Variants in CDIN1 observed in about 807,000 individuals in gnomAD.
The protein encoded by CDIN1 is CDAN1-interacting nuclease 1.
CDIN1 carries 33 observed loss-of-function variants against 45.3 expected under a neutral mutation model. That is an observed-to-expected ratio of 0.73 (90% confidence interval 0.55 to 0.97). CDIN1 has a LOEUF of 0.97. Ranked by LOEUF, CDIN1 falls within the 50% of genes least tolerant of loss-of-function variation. CDIN1 has a pLI of 0.00. For missense variants in CDIN1, 303 were observed against 339.4 expected (o/e 0.89, Z 0.84); for synonymous variants, 118 against 124.4 (o/e 0.95, Z 0.34).
chr15:36,685,930 G>T (rs2042025744), intron 5 of CDIN1, among the ~76,000 whole-genome samples: 1 of 151,898 alleles, frequency 6.6e-6, no homozygotes, highest in Admixed American at 6.6e-5. Flanking sequence ...GAGATGATGT[G>T]GAGAAATAGG....
At chr15:36,581,021 A>C (rs1441230717) in intron 1 of CDIN1, among the ~76,000 whole-genome samples, 1 of 152,226 alleles carries the variant, frequency 6.6e-6, no homozygotes, top group Non-Finnish European at 1.5e-5. Flanking sequence ...TAGTCTGTAA[A>C]ATGAAGGAGT....
intron 5 of CDIN1, among the ~76,000 whole-genome samples, chr15:36,667,378 T>C (rs2041286952): frequency 6.6e-6 from 1 of 152,216 alleles, no homozygotes; most frequent in South Asian, 2.1e-4. Flanking sequence ...AATCATGAGC[T>C]TTTAAATTGT....
chr15:36,592,456 T>G (rs779880653), intron 1 of CDIN1, among the ~76,000 whole-genome samples: 6 of 152,216 alleles, frequency 3.9e-5, no homozygotes, highest in Non-Finnish European at 8.8e-5. Flanking sequence ...TCTGAGACTT[T>G]TGTACCTTAT....
chr15:36,691,987 C>T (rs1345729906), intron 6 of CDIN1, 139 bp from the exon 7 acceptor site: 36 of 851,942 alleles, frequency 4.2e-5, no homozygotes, highest in East Asian at 2.8e-4. Flanking sequence ...TGATTAAATC[C>T]GAACCGCCTT....
intron 5 of CDIN1, among the ~76,000 whole-genome samples, chr15:36,663,016 A>G (rs2041083504): frequency 6.6e-6 from 1 of 152,106 alleles, no homozygotes; most frequent in Non-Finnish European, 1.5e-5. Context: ...GGGATGCCCA[A>G]CTTATGATCC....
chr15:36,797,395 A>G (rs1194395984), intron 10 of CDIN1, among the ~76,000 whole-genome samples: 1 of 152,202 alleles, frequency 6.6e-6, no homozygotes, highest in Non-Finnish European at 1.5e-5. Flanking sequence ...TTGTATTTAA[A>G]GGAAGCAAGA....
chr15:36,617,469 A>T, intron 1 of CDIN1: 1 of 956,004 alleles, frequency 1.0e-6, no homozygotes, highest in Non-Finnish European at 1.7e-6. Context: ...AGAAACAATT[A>T]GAATTCTGGT....
chr15:36,655,393 C>G (rs2040743943), intron 4 of CDIN1, among the ~76,000 whole-genome samples: 1 of 145,316 alleles, frequency 6.9e-6, no homozygotes, highest in South Asian at 2.2e-4. Context: ...GTGGCGTGAT[C>G]TTAGCTCATT....
chr15:36,779,882 G>A (rs1321494666), intron 10 of CDIN1, among the ~76,000 whole-genome samples: 1 of 152,164 alleles, frequency 6.6e-6, no homozygotes, highest in Non-Finnish European at 1.5e-5. Flanking sequence ...TTCTGAAGAT[G>A]GTCCTATGAA....
chr15:36,676,804 G>A (rs2041665939), intron 5 of CDIN1, among the ~76,000 whole-genome samples: 1 of 152,130 alleles, frequency 6.6e-6, no homozygotes, highest in African/African-American at 2.4e-5. Context: ...TCTGCATGGA[G>A]CACTAGCTTG....
intron 10 of CDIN1, among the ~76,000 whole-genome samples, chr15:36,768,917 G>T (rs1295728345): frequency 1.3e-5 from 2 of 152,134 alleles, no homozygotes; most frequent in Non-Finnish European, 2.9e-5. Flanking sequence ...TAAAGACCCA[G>T]TTGTCATTTG....
intron 5 of CDIN1, among the ~76,000 whole-genome samples, chr15:36,667,818 A>G (rs144872043): frequency 3.0e-4 from 45 of 152,228 alleles, no homozygotes; most frequent in African/African-American, 1.1e-3. Context: ...TATGAATAGT[A>G]TTTTTTCATT....
intron 10 of CDIN1, among the ~76,000 whole-genome samples, chr15:36,738,112 AT>A (rs2044098278): frequency 6.6e-6 from 1 of 151,878 alleles, no homozygotes; most frequent in South Asian, 2.1e-4. Context: ...AGAGCTCAAC[AT>A]TTCATCCTCT....
At chr15:36,751,238 T>TATATATATATATATATA (rs2053461444) in intron 10 of CDIN1, among the ~76,000 whole-genome samples, 1 of 134,048 alleles carries the variant, frequency 7.5e-6, no homozygotes, top group Non-Finnish European at 1.6e-5. Flanking sequence ...TTTATATATA[T>TATATATATATATATATA]ATATATATAT....
chr15:36,706,289 T>G (rs1331880547), intron 8 of CDIN1: 5 of 152,006 alleles, frequency 3.3e-5, no homozygotes, highest in Admixed American at 3.3e-4. Context: ...TCTACTAAAA[T>G]GTTAAGGAGT....
At chr15:36,623,597 C>T (rs187756539) in intron 1 of CDIN1, among the ~76,000 whole-genome samples, 301 of 152,242 alleles carry the variant, frequency 2.0e-3, no homozygotes, top group African/African-American at 7.1e-3. Flanking sequence ...CAGCTCAGTA[C>T]CCTGAACAGG....
intron 2 of CDIN1, among the ~76,000 whole-genome samples, chr15:36,644,996 A>C (rs375087588): frequency 2.0e-5 from 3 of 152,288 alleles, no homozygotes; most frequent in African/African-American, 7.2e-5. Flanking sequence ...TATATACCGT[A>C]CCTTGTGGTA....
intron 1 of CDIN1, among the ~76,000 whole-genome samples, chr15:36,628,270 T>C (rs558906492): frequency 4.6e-5 from 7 of 152,278 alleles, no homozygotes; most frequent in African/African-American, 1.4e-4. Context: ...TGTCGCTCTA[T>C]TTTTCCTTTT....
At chr15:36,699,715 A>G (rs897169737) in intron 8 of CDIN1, among the ~76,000 whole-genome samples, 3 of 152,150 alleles carry the variant, frequency 2.0e-5, no homozygotes, top group Non-Finnish European at 4.4e-5. Flanking sequence ...ACTCTTAACA[A>G]TTGAAGGGAA....
Sources: allele counts gnomAD v4.1 joint callset (sites outside exome capture counted in the v4.1 genomes callset), GRCh38; gene constraint gnomAD v4.1.1; transcripts MANE v1.5; gene names NCBI Gene and HGNC (gene_info 2026-07-23, HGNC 2026-07-21).